The following FSTL5 variants were observed in gnomAD, a reference collection of about 807,000 sequenced individuals.
FSTL5 encodes follistatin like 5, also known as follistatin-related protein 5.
Under a neutral mutation model 89.1 loss-of-function variants are expected in FSTL5, and 62 were observed. That is an observed-to-expected ratio of 0.70 (90% CI 0.57 to 0.86). The LOEUF (loss-of-function observed/expected upper bound fraction) is 0.86. Among genes scored for constraint, FSTL5 ranks in the 40% least tolerant of loss-of-function variants. FSTL5 has a pLI of 0.00. For missense variants in FSTL5, 1,057 were observed against 1,001.6 expected (o/e 1.06, Z -0.75); for synonymous variants, 383 against 346.2 (o/e 1.11, Z -1.18).
At chr4:161,628,698 T>C (rs965843946) in intron 7 of FSTL5, among the ~76,000 whole-genome samples, 1 of 152,178 alleles carries the variant, frequency 6.6e-6, no homozygotes, top group Admixed American at 6.5e-5. Context: ...GAAACCTCCA[T>C]TACTAATTGG....
chr4:161,482,941 G>A (rs1249436224), intron 12 of FSTL5, among the ~76,000 whole-genome samples: 2 of 152,174 alleles, frequency 1.3e-5, no homozygotes, highest in Admixed American at 1.3e-4. Context: ...GACATAAGCG[G>A]AAAGTCTGAA....
intron 1 of FSTL5, among the ~76,000 whole-genome samples, chr4:162,133,690 T>C (rs901413088): frequency 2.6e-5 from 4 of 152,190 alleles, no homozygotes; most frequent in Non-Finnish European, 5.9e-5. Flanking sequence ...AATGAAAGTC[T>C]ACCATAAAAT....
At chr4:161,499,970 A>G (rs1730238992) in intron 12 of FSTL5, 46 bp downstream of exon 12, 1 of 1,104,802 alleles carries the variant, frequency 9.1e-7, no homozygotes, top group Non-Finnish European at 1.4e-6. Context: ...ATTCTACTTA[A>G]CAAAATTTCT....
At chr4:161,511,375 A>G (rs2126501292) in intron 10 of FSTL5, among the ~76,000 whole-genome samples, 1 of 152,302 alleles carries the variant, frequency 6.6e-6, no homozygotes, top group South Asian at 2.1e-4. Flanking sequence ...TCTTTAAAAA[A>G]TTAATTATTA....
chr4:161,922,431 A>G (rs1203569413), intron 3 of FSTL5, among the ~76,000 whole-genome samples: 1 of 152,026 alleles, frequency 6.6e-6, no homozygotes, highest in Non-Finnish European at 1.5e-5. Context: ...TAAAAAACTT[A>G]GCAAAAAATC....
At chr4:162,114,131 C>T (rs17599234) in intron 1 of FSTL5, among the ~76,000 whole-genome samples, 6,974 of 152,192 alleles carry the variant, frequency 0.046, 362 homozygotes, top group East Asian at 0.27. Flanking sequence ...TGCTACAAAG[C>T]TTCTGAAAAC....
intron 4 of FSTL5, among the ~76,000 whole-genome samples, chr4:161,797,696 G>C (rs1729675019): frequency 6.6e-6 from 1 of 151,462 alleles, no homozygotes. Flanking sequence ...TTTATTAAAG[G>C]ATTCACATAT....
intron 13 of FSTL5, among the ~76,000 whole-genome samples, chr4:161,465,291 T>C (rs1351384696): frequency 6.6e-6 from 1 of 152,138 alleles, no homozygotes; most frequent in Non-Finnish European, 1.5e-5. Context: ...TTGGAGACCA[T>C]TGGTGTGCAC....
At chr4:161,685,742 C>A (rs1291632372) in intron 6 of FSTL5, among the ~76,000 whole-genome samples, 1 of 152,024 alleles carries the variant, frequency 6.6e-6, no homozygotes, top group Non-Finnish European at 1.5e-5. Flanking sequence ...CAATTTGGAT[C>A]CCCTTTATTT....
At chr4:162,036,043 TC>T (rs1256019746) in intron 2 of FSTL5, among the ~76,000 whole-genome samples, 1 of 152,064 alleles carries the variant, frequency 6.6e-6, no homozygotes, top group Non-Finnish European at 1.5e-5. Flanking sequence ...CTTCCTCTTT[TC>T]CTAAGCACTA....
At chr4:161,404,328 C>T (rs771819506) in intron 15 of FSTL5, among the ~76,000 whole-genome samples, 4 of 151,988 alleles carry the variant, frequency 2.6e-5, no homozygotes, top group Admixed American at 1.3e-4. Flanking sequence ...AGGATTATTT[C>T]GAAAAATGAA....
chr4:161,712,855 C>T (rs1426248201), intron 6 of FSTL5, among the ~76,000 whole-genome samples: 1 of 151,802 alleles, frequency 6.6e-6, no homozygotes, highest in Non-Finnish European at 1.5e-5. Context: ...TCTCTCGTTC[C>T]CTTTCTCGCA....
At chr4:161,960,742 CT>C (rs1735153599) in intron 3 of FSTL5, among the ~76,000 whole-genome samples, 1 of 151,810 alleles carries the variant, frequency 6.6e-6, no homozygotes, top group African/African-American at 2.4e-5. Context: ...GAAGTGAAAA[CT>C]TTTAAGCTGT....
At chr4:161,467,307 A>G (rs1416925423) in intron 13 of FSTL5, among the ~76,000 whole-genome samples, 1 of 152,160 alleles carries the variant, frequency 6.6e-6, no homozygotes, top group Non-Finnish European at 1.5e-5. Context: ...TAGAAAAAAT[A>G]GGTAAATAAA....
intron 3 of FSTL5, among the ~76,000 whole-genome samples, chr4:161,940,820 AAAACAAAAC>A (rs1734560546): frequency 7.4e-6 from 1 of 134,966 alleles, no homozygotes; most frequent in Non-Finnish European, 1.7e-5. Flanking sequence ...CAACATGAAA[AAAACAAAAC>A]AAAACAAAAC....
intron 15 of FSTL5, among the ~76,000 whole-genome samples, chr4:161,448,197 C>G (rs12505871): frequency 0.23 from 35,269 of 151,970 alleles, 4,751 homozygotes; most frequent in East Asian, 0.49. Context: ...GGAGTTAAAA[C>G]GCACCTCACT....
At chr4:161,737,863 C>T (rs1307987596) in intron 6 of FSTL5, among the ~76,000 whole-genome samples, 1 of 151,936 alleles carries the variant, frequency 6.6e-6, no homozygotes, top group Non-Finnish European at 1.5e-5. Flanking sequence ...ATAAGATCTA[C>T]AACTTAAATT....
chr4:162,064,131 T>G (rs540880034), intron 2 of FSTL5, among the ~76,000 whole-genome samples: 1 of 152,030 alleles, frequency 6.6e-6, no homozygotes, highest in Non-Finnish European at 1.5e-5. Context: ...ATAAATTTCT[T>G]CAGCAGTTTC....
intron 3 of FSTL5, among the ~76,000 whole-genome samples, chr4:161,974,938 C>T (rs1245508743): frequency 6.0e-5 from 9 of 149,212 alleles, no homozygotes; most frequent in East Asian, 4.0e-4. Flanking sequence ...AAAAAGTGGG[C>T]AAAGGACATG....
Sources: gnomAD v4.1 joint callset for allele counts (sites outside exome capture counted in the v4.1 genomes callset) on GRCh38, gnomAD v4.1.1 for gene constraint, MANE v1.5 for transcripts, NCBI Gene and HGNC (gene_info 2026-07-23, HGNC 2026-07-21) for gene names.